Variants in DNAAF11 observed in about 807,000 individuals in gnomAD.
DNAAF11 encodes the protein leucine rich repeat containing 6.
In DNAAF11, 45 loss-of-function variants were observed where a neutral mutation model predicts 60.8. The ratio of observed to expected loss-of-function variants is 0.74; its 90% CI spans 0.58 to 0.95. The LOEUF is 0.95. Among genes scored for constraint, DNAAF11 ranks in the 40% least tolerant of loss-of-function variants. DNAAF11 has a pLI of 0.00. For synonymous variants in DNAAF11, 191 were observed against 183.5 expected, an observed-to-expected ratio of 1.04 and a Z score of -0.33; for missense variants, 546 against 546.2, an observed-to-expected ratio of 1.00 and a Z score of 0.00.
In DNAAF11 at chr8:132,615,072, C is replaced by T. The variant is rs957674260; in HGVS notation, c.940G>A (p.Glu314Lys). Residue 314 changes from glutamate to lysine, a missense_variant, in exon 8 of 12, where the codon GAA becomes AAA. Glu to Lys is a moderately conservative substitution (Grantham distance 56). Coordinates refer to ENST00000620350, the MANE Select transcript of DNAAF11 (RefSeq NM_012472.6). Reference sequence around the variant, plus strand: ...GCAAGGTCCAGGATGATCTGCTTTTCGTTATCTTTCAAAGAGAAGTCAATT... The same window carrying T: ...GCAAGGTCCAGGATGATCTGCTTTTTGTTATCTTTCAAAGAGAAGTCAATT... Reference protein sequence around the residue: ...PKIDFSLKDNEKQIILDLAVY... With the variant: ...PKIDFSLKDNKKQIILDLAVY... The T allele has an allele frequency of 1.0e-5, 16 of 1,607,654 alleles. No individual in the cohort carries two copies. Among genetic ancestry groups the T allele is most frequent in the East Asian group, 2.2e-5 (1 of 44,712 alleles).
chr8:132,678,430 G>A (rs1192208205), upstream of DNAAF11, among the ~76,000 whole-genome samples: 1 of 152,190 alleles, frequency 6.6e-6, no homozygotes, highest in Admixed American at 6.5e-5. Flanking sequence ...TTCCTGATTA[G>A]TCCTTTTTTC....
the DNAAF11 span, among the ~76,000 whole-genome samples, chr8:132,699,294 G>T: frequency 2.6e-5 from 4 of 152,106 alleles, no homozygotes; most frequent in Non-Finnish European, 5.9e-5. Flanking sequence ...AGTTCAGAAA[G>T]AAGAATGTTT....
At chr8:132,588,345 C>A (rs1019299188) in intron 10 of DNAAF11, among the ~76,000 whole-genome samples, 1 of 152,132 alleles carries the variant, frequency 6.6e-6, no homozygotes, top group Non-Finnish European at 1.5e-5. Context: ...TTTAGCCTGG[C>A]TTCTTAAATA....
At chr8:132,683,616 C>A in the DNAAF11 span, among the ~76,000 whole-genome samples, 1 of 152,228 alleles carries the variant, frequency 6.6e-6, no homozygotes, top group Non-Finnish European at 1.5e-5. Flanking sequence ...TTGTTTCTGG[C>A]CCCTACACAG....
At chr8:132,690,441 T>TA in the DNAAF11 span, among the ~76,000 whole-genome samples, 2 of 152,210 alleles carry the variant, frequency 1.3e-5, no homozygotes, top group African/African-American at 4.8e-5. Context: ...GAGGTCTCCC[T>TA]ACCCTTGCCG....
chr8:132,608,557 C>T, intron 10 of DNAAF11: 1 of 423,592 alleles, frequency 2.4e-6, no homozygotes, highest in Non-Finnish European at 4.8e-6. Flanking sequence ...TGGCACCCTG[C>T]AAAAGATACA....
intron 1 of DNAAF11, 127 bp downstream of exon 1, chr8:132,675,357 G>A: frequency 9.4e-7 from 1 of 1,062,842 alleles, no homozygotes; most frequent in Non-Finnish European, 1.4e-6. Context: ...GCCGGGTGGG[G>A]TTAGGGTCCG....
chr8:132,605,926 TG>T, intron 10 of DNAAF11, among the ~76,000 whole-genome samples: 1 of 149,260 alleles, frequency 6.7e-6, no homozygotes, highest in Non-Finnish European at 1.5e-5. Flanking sequence ...TGGTAGAAGA[TG>T]ATGTCAGGGA....
intron 11 of DNAAF11, among the ~76,000 whole-genome samples, chr8:132,578,925 C>T (rs977375330): frequency 3.9e-5 from 6 of 152,162 alleles, no homozygotes; most frequent in Non-Finnish European, 7.4e-5. Flanking sequence ...GGCAGTCTAA[C>T]GGGACACCCT....
chr8:132,657,001 GATT>G (rs936426313), intron 2 of DNAAF11, 94 bp from the exon 3 acceptor site: 5 of 511,718 alleles, frequency 9.8e-6, no homozygotes, highest in African/African-American at 6.1e-5. Context: ...AAAATCTAAA[GATT>G]ATTATTATGG....
intron 6 of DNAAF11, 191 bp from the exon 7 acceptor site, chr8:132,622,879 C>T: frequency 1.9e-6 from 1 of 535,566 alleles, no homozygotes; most frequent in Admixed American, 3.5e-5. Flanking sequence ...GACAATCAAG[C>T]CAGATTTTTT....
At chr8:132,613,740 G>A (rs929400206) in intron 8 of DNAAF11, among the ~76,000 whole-genome samples, 17 of 152,218 alleles carry the variant, frequency 1.1e-4, no homozygotes, top group Non-Finnish European at 1.9e-4. Context: ...GAGGGCTGAT[G>A]TTCTGGCTCC....
chr8:132,688,701 A>G, the DNAAF11 span, among the ~76,000 whole-genome samples: 2 of 152,142 alleles, frequency 1.3e-5, no homozygotes, highest in African/African-American at 4.8e-5. Context: ...GAGAAGAACA[A>G]AAAGGTGGAG....
intron 7 of DNAAF11, among the ~76,000 whole-genome samples, chr8:132,615,430 A>C (rs2130087719): frequency 6.6e-6 from 1 of 152,332 alleles, no homozygotes; most frequent in South Asian, 2.1e-4. Flanking sequence ...AAGCAAACTA[A>C]AACATTGGAA....
At chr8:132,588,697 T>G (rs1183683206) in intron 10 of DNAAF11, among the ~76,000 whole-genome samples, 1 of 150,528 alleles carries the variant, frequency 6.6e-6, no homozygotes, top group African/African-American at 2.4e-5. Context: ...TGTTCTCACA[T>G]TGCTATAAAG....
chr8:132,624,062 G>A (rs1057398645), intron 6 of DNAAF11, among the ~76,000 whole-genome samples: 1 of 152,048 alleles, frequency 6.6e-6, no homozygotes, highest in Non-Finnish European at 1.5e-5. Flanking sequence ...CCTTATTTCA[G>A]GCTCAATTCA....
chr8:132,580,087 A>G (rs915240261), intron 11 of DNAAF11, among the ~76,000 whole-genome samples: 1 of 152,134 alleles, frequency 6.6e-6, no homozygotes, highest in Non-Finnish European at 1.5e-5. Flanking sequence ...AAATAGAAAT[A>G]TAAAAACTTC....
At chr8:132,688,404 C>T in the DNAAF11 span, among the ~76,000 whole-genome samples, 1 of 152,178 alleles carries the variant, frequency 6.6e-6, no homozygotes, top group Non-Finnish European at 1.5e-5. Flanking sequence ...TTTCCCTCTA[C>T]TCTCCATGAG....
At position 132,579,858 on chromosome 8, in the gene DNAAF11, G is replaced by A. The variant is rs56851776; in HGVS notation, c.1226+3836C>T. 2.4e-3 allele frequency among the ~76,000 whole-genome samples: 360 copies of A among 152,176 alleles called. 2 individuals are homozygous for A. Among genetic ancestry groups the A allele is most frequent in the African/African-American group, 8.3e-3 (346 of 41,554 alleles). On this transcript the variant is annotated intron_variant, in intron 11 of 11. Transcript: ENST00000620350. ...AAAAATACCAAAAAATTAGCTGGGC[G>A]TGGTGGCAGGTGCCTGTAGTCCCAG...
Sources: gnomAD v4.1 joint callset for allele counts (sites outside exome capture counted in the v4.1 genomes callset) on GRCh38, gnomAD v4.1.1 for gene constraint, MANE v1.5 for transcripts, NCBI Gene and HGNC (gene_info 2026-07-23, HGNC 2026-07-21) for gene names.